The following DOCK3 variants were observed in gnomAD, a reference collection of about 807,000 sequenced individuals.
DOCK3 encodes dedicator of cytokinesis protein 3.
Under a neutral mutation model 265.6 loss-of-function variants are expected in DOCK3, and 60 were observed. The observed-to-expected ratio is 0.23, with a 90% CI of 0.18 to 0.28. DOCK3 has a LOEUF of 0.28. Among genes scored for constraint, DOCK3 ranks in the 10% least tolerant of loss-of-function variants. The pLI is 1.00. For missense variants in DOCK3, 1,981 were observed against 2,594.3 expected (o/e 0.76, Z 5.14); for synonymous variants, 881 against 938.0 (o/e 0.94, Z 1.11).
At chr3:51,055,545 T>C (rs561550205) in intron 5 of DOCK3, among the ~76,000 whole-genome samples, 32 of 152,316 alleles carry the variant, frequency 2.1e-4, no homozygotes, top group African/African-American at 7.0e-4. Flanking sequence ...GAGATGCCTA[T>C]GGACACATCG....
intron 14 of DOCK3, among the ~76,000 whole-genome samples, chr3:51,222,320 A>G (rs1181040369): frequency 2.0e-5 from 3 of 152,224 alleles, no homozygotes; most frequent in Non-Finnish European, 4.4e-5. Flanking sequence ...GTGAACACGT[A>G]ACATGCAATA....
At chr3:50,708,153 T>TGAAA (rs1390632689) in intron 1 of DOCK3, among the ~76,000 whole-genome samples, 1 of 152,130 alleles carries the variant, frequency 6.6e-6, no homozygotes, top group Non-Finnish European at 1.5e-5. Context: ...GGTGGTGGGC[T>TGAAA]ATGTGGGCCT....
At chr3:51,292,130 A>T (rs1467976683) in intron 27 of DOCK3, among the ~76,000 whole-genome samples, 1 of 152,228 alleles carries the variant, frequency 6.6e-6, no homozygotes, top group Non-Finnish European at 1.5e-5. Flanking sequence ...CCCATAGTTA[A>T]CTTCACACTC....
In DOCK3 at chr3:51,028,201, A is replaced by G. The variant is rs141977788; in HGVS notation, c.316-36247A>G. 3.5e-3 allele frequency among the ~76,000 whole-genome samples: 540 copies of G among 152,306 alleles called. 5 individuals are homozygous for G. The highest frequency in any genetic ancestry group is 3.2e-3 in the Non-Finnish European group (220 of 68,016). ...CCTATGAAGCTTAACTTAGTGATAC[A>G]TGAAATCTTGGCTGGCATGTTTTTT... On this transcript the variant is annotated intron_variant, in intron 5 of 52. Transcript: ENST00000266037.
chr3:51,012,038 G>A (rs2078973239), intron 5 of DOCK3, among the ~76,000 whole-genome samples: 1 of 152,128 alleles, frequency 6.6e-6, no homozygotes, highest in Admixed American at 6.6e-5. Flanking sequence ...GCCCCTACTG[G>A]GGGGTCCCTC....
In DOCK3 at chr3:51,381,261, AC is replaced by A. The variant is rs782388535; in HGVS notation, c.5797del (p.Leu1933SerfsTer228). 1 of 1,612,448 alleles carries A rather than the reference AC, an allele frequency of 6.2e-7. No individual in the cohort carries two copies. Among genetic ancestry groups the A allele is most frequent in the Non-Finnish European group, 8.5e-7 (1 of 1,179,522 alleles). On this transcript the variant is annotated frameshift_variant, in exon 53 of 53. Transcript: ENST00000266037. LOFTEE classifies it high-confidence loss of function. This position sits in a 1 kb window ranked among gnomAD's most constrained non-coding sequence, Gnocchi z 5.6. ...WNADEDLEPPYLPVHYSLSES... is the reference protein window; with the variant it reads ...WNADEDLEPPXLPVHYSLSES... ...GCTGACGAAGATCTTGAGCCACCCTACCTCCCTGTCCACTACAGCCTCTCTG... is the reference window on the plus strand; with the variant it reads ...GCTGACGAAGATCTTGAGCCACCCTACTCCCTGTCCACTACAGCCTCTCTG...
Position 51,227,464 on chromosome 3 carries a change from C to T in DOCK3, c.1540+19C>T, listed in dbSNP as rs200179650. 1.8e-5 allele frequency: 29 copies of T among 1,613,306 alleles called. No homozygotes were observed. The highest frequency in any genetic ancestry group is 3.3e-5 in the Admixed American group (2 of 59,948). Reference sequence around the variant, plus strand: ...TGTTCCAGTGAGTTAGACTTCCCCCCCTCCACATTCCCTTGAGAATATAAA... The same window carrying T: ...TGTTCCAGTGAGTTAGACTTCCCCCTCTCCACATTCCCTTGAGAATATAAA... On this transcript the variant is annotated intron_variant, in intron 16 of 52. Coordinates refer to ENST00000266037, the MANE Select transcript of DOCK3 (RefSeq NM_004947.5).
rs557047775 is a variant in DOCK3 at position 51,058,718 on chromosome 3, C to T, written c.316-5730C>T. Reference sequence around the variant, plus strand: ...AGTCCAGGATCAAGATTGGCAGAATCAGTGTCTGGTGGGGGTCCACTTCCT... The same window carrying T: ...AGTCCAGGATCAAGATTGGCAGAATTAGTGTCTGGTGGGGGTCCACTTCCT... On this transcript the variant is annotated intron_variant, in intron 5 of 52. Coordinates refer to ENST00000266037, the MANE Select transcript of DOCK3 (RefSeq NM_004947.5). Among the ~76,000 whole-genome samples, 5 of 152,218 alleles carry T rather than the reference C, an allele frequency of 3.3e-5. No individual in the cohort carries two copies. In the East Asian group the frequency reaches 9.6e-4, roughly 29 times the overall value.
At chr3:50,740,883 G>T (rs1045326178) in intron 1 of DOCK3, among the ~76,000 whole-genome samples, 3 of 151,826 alleles carry the variant, frequency 2.0e-5, no homozygotes, top group Admixed American at 6.6e-5. Flanking sequence ...GTATAATTCG[G>T]TGGTATTAAG....
intron 5 of DOCK3, among the ~76,000 whole-genome samples, chr3:50,969,252 T>C (rs1206057452): frequency 6.6e-6 from 1 of 152,228 alleles, no homozygotes; most frequent in Non-Finnish European, 1.5e-5. Flanking sequence ...TTTTCTATTG[T>C]TGTTGATTTG....
rs114008344 is a variant in DOCK3 at position 51,338,554 on chromosome 3, G to A, written c.3672+135G>A. ...AATCAGGACATCAGCTCTGTTACTG[G>A]TATCTTAGAGGCCTGCACTCCCCCA... On this transcript the variant is annotated intron_variant, in intron 36 of 52. Coordinates refer to ENST00000266037, the MANE Select transcript of DOCK3 (RefSeq NM_004947.5). 7,237 of 934,082 alleles carry A rather than the reference G, an allele frequency of 7.7e-3. 45 individuals carry two copies. The highest frequency in any genetic ancestry group is 0.01 in the Non-Finnish European group (6,335 of 608,090). 57.9% of individuals were successfully genotyped at this position (934,082 alleles called of 1,614,324 possible).
At chr3:51,119,273 A>G (rs1394309003) in intron 9 of DOCK3, among the ~76,000 whole-genome samples, 1 of 152,140 alleles carries the variant, frequency 6.6e-6, no homozygotes, top group Non-Finnish European at 1.5e-5. Flanking sequence ...TCTTCTCTTT[A>G]AGAATGTTGA....
chr3:51,112,660 T>C (rs1446743370), intron 9 of DOCK3, among the ~76,000 whole-genome samples: 1 of 152,068 alleles, frequency 6.6e-6, no homozygotes, highest in Non-Finnish European at 1.5e-5. Flanking sequence ...TTTTTAGAGG[T>C]ATGTGAAGTG....
Position 51,381,508 on chromosome 3 carries a change from TAAG to T in DOCK3, c.6043_6045del (p.Lys2015del). The T allele has an allele frequency of 1.3e-6, 2 of 1,580,670 alleles. No homozygotes were observed. Among genetic ancestry groups the T allele is most frequent in the Non-Finnish European group, 1.7e-6 (2 of 1,164,542 alleles). On this transcript the variant is annotated inframe_deletion, in exon 53 of 53. Coordinates refer to ENST00000266037, the MANE Select transcript of DOCK3 (RefSeq NM_004947.5). This position sits in a 1 kb window ranked among gnomAD's most constrained non-coding sequence, Gnocchi z 5.6. Reference sequence around the variant, plus strand: ...AGGCTCCATTGCCTCCTGGGAGCGCTAAGGAGGAGCAGGCCCGCATGGCCTGGG... The same window carrying T: ...AGGCTCCATTGCCTCCTGGGAGCGCTGAGGAGCAGGCCCGCATGGCCTGGG...
intron 27 of DOCK3, among the ~76,000 whole-genome samples, chr3:51,307,714 CAT>C (rs2082765359): frequency 6.6e-6 from 1 of 151,890 alleles, no homozygotes. Context: ...GCCCTGCACT[CAT>C]GTGTGGCCTT....
intron 1 of DOCK3, among the ~76,000 whole-genome samples, chr3:50,706,480 C>G (rs1432234665): frequency 6.6e-6 from 1 of 152,094 alleles, no homozygotes; most frequent in Non-Finnish European, 1.5e-5. Flanking sequence ...TGAAGTTTCC[C>G]TTATATGTTA....
chr3:50,754,315 G>C (rs538953412), intron 1 of DOCK3, among the ~76,000 whole-genome samples: 1 of 152,122 alleles, frequency 6.6e-6, no homozygotes, highest in African/African-American at 2.4e-5. Flanking sequence ...GAGTGGAGTG[G>C]GTAGAAAAGC....
intron 2 of DOCK3, chr3:50,787,493 C>G (rs1210980560): frequency 2.0e-6 from 1 of 494,974 alleles, no homozygotes; most frequent in South Asian, 2.0e-5. Context: ...CGAGATCGCG[C>G]CATTGCACTC....
intron 12 of DOCK3, among the ~76,000 whole-genome samples, chr3:51,208,053 A>T (rs1320969266): frequency 1.3e-5 from 2 of 152,226 alleles, no homozygotes; most frequent in Non-Finnish European, 2.9e-5. Context: ...GAAGGAAGAC[A>T]CTAAAACATC....
Sources: allele counts gnomAD v4.1 joint callset (sites outside exome capture counted in the v4.1 genomes callset), GRCh38; gene constraint gnomAD v4.1.1; non-coding constraint Gnocchi (gnomAD v3.1); transcripts MANE v1.5; gene names NCBI Gene and HGNC (gene_info 2026-07-23, HGNC 2026-07-21).